NCKAP1L: variants seen among roughly 807,000 people sequenced by gnomAD.
NCKAP1L encodes NCK associated protein 1 like.
Under a neutral mutation model 139.2 loss-of-function variants are expected in NCKAP1L, and 53 were observed. The observed-to-expected ratio is 0.38, with a 90% CI of 0.31 to 0.48. The LOEUF is 0.48. NCKAP1L is among the 20% of genes least tolerant of loss of function. The probability of loss-of-function intolerance (pLI) is 0.98; values close to 1 mark genes in which losing one functional copy is unlikely to be tolerated. For synonymous variants in NCKAP1L, 468 were observed against 499.7 expected (o/e 0.94, Z 0.85); for missense variants, 1,151 against 1,381.9 (o/e 0.83, Z 2.65).
chr12:54,520,888 A>G, intron 17 of NCKAP1L, 62 bp downstream of exon 17: 3 of 1,606,090 alleles, frequency 1.9e-6, no homozygotes, highest in Non-Finnish European at 2.6e-6. Flanking sequence ...CACCCAAAAC[A>G]CAATTCCAAG....
In NCKAP1L at chr12:54,546,035, G is replaced by A. The variant is rs553777437; in HGVS notation, c.*3350G>A. The A allele has an allele frequency of 6.6e-6, 1 of 152,274 alleles. No homozygotes were observed. Among genetic ancestry groups the A allele is most frequent in the South Asian group, 2.1e-4 (1 of 4,812 alleles). 9.4% of individuals were successfully genotyped at this position (152,274 alleles called of 1,614,324 possible). On this transcript the variant is annotated 3_prime_UTR_variant, in exon 31 of 31. Transcript: ENST00000293373. ...ACTCAGGAGTTTGAGACCACTCTGG[G>A]CAACACAGTGAAACCCTGTCTCTCC...
chr12:54,537,015 A>G lies in NCKAP1L; in HGVS notation c.3145A>G (p.Asn1049Asp). ...QVSAALFTLY[N>D]KNIETHLKEF... ...GTCTGCTGCCCTCTTCACGCTCTAC[A>G]ACAAGAACATTGAAACTCACCTCAA... The change falls in exon 29 of 31, where the codon AAC (asparagine) becomes GAC (aspartate). Residue 1049 changes from asparagine (N) to aspartate (D), a missense_variant. Coordinates refer to ENST00000293373, the MANE Select transcript of NCKAP1L (RefSeq NM_005337.5). 1 of 1,613,580 alleles carries G rather than the reference A, an allele frequency of 6.2e-7. No individual in the cohort carries two copies. The highest frequency in any genetic ancestry group is 8.5e-7 in the Non-Finnish European group (1 of 1,179,600).
chr12:54,513,644 G>A (rs1297477173), intron 9 of NCKAP1L, among the ~76,000 whole-genome samples: 2 of 152,106 alleles, frequency 1.3e-5, no homozygotes, highest in African/African-American at 4.8e-5. Context: ...AATAAGAATT[G>A]AAAAAATGTT....
intron 22 of NCKAP1L, among the ~76,000 whole-genome samples, chr12:54,531,007 T>C (rs1322614438): frequency 6.6e-6 from 1 of 152,158 alleles, no homozygotes; most frequent in East Asian, 1.9e-4. Context: ...TAGATTCTTA[T>C]AGGAAAGTAA....
At chr12:54,499,959 G>A (rs960970553) in intron 2 of NCKAP1L, among the ~76,000 whole-genome samples, 9 of 151,844 alleles carry the variant, frequency 5.9e-5, no homozygotes, top group African/African-American at 2.2e-4. Context: ...CATCTGAAAG[G>A]GTGCTTAAAA....
Position 54,545,085 on chromosome 12 carries a change from A to G in NCKAP1L, c.*2400A>G, listed in dbSNP as rs1957188282. On this transcript the variant is annotated 3_prime_UTR_variant, in exon 31 of 31. Transcript: ENST00000293373. ...CATTGCTCTTTTATAGCAATTTTATAGCAATTTTCTCCTCCCACAACCCCC... is the reference window on the plus strand; with the variant it reads ...CATTGCTCTTTTATAGCAATTTTATGGCAATTTTCTCCTCCCACAACCCCC... The G allele has an allele frequency of 6.6e-6, 1 of 152,336 alleles. No homozygotes were observed. The highest frequency in any genetic ancestry group is 3.4e-3 in the Middle Eastern group (1 of 294). The allele number at this position is 152,336 out of a possible 1,614,324, so 9.4% of individuals were successfully genotyped here.
In NCKAP1L at chr12:54,528,349, C is replaced by G; in HGVS notation, c.2478C>G (p.Phe826Leu). 1 of 1,614,016 alleles carries G rather than the reference C, an allele frequency of 6.2e-7. No individual in the cohort carries two copies. Among genetic ancestry groups the G allele is most frequent in the Non-Finnish European group, 8.5e-7 (1 of 1,179,978 alleles). The change falls in exon 22 of 31, where the codon TTC becomes TTG. Residue 826 changes from phenylalanine (F) to leucine (L), a missense_variant. Transcript: ENST00000293373. The part of the protein sequence containing the change: ...VSLPREGEQN[F>L]SAEEFSDISE... ...TGCCCAGAGAAGGGGAGCAGAACTT[C>G]AGTGCAGAGGAGTTCTCTGACATCT... is the stretch of plus-strand genomic sequence containing the variant.
intron 25 of NCKAP1L, 86 bp from the exon 26 acceptor site, chr12:54,532,084 C>A: frequency 1.0e-6 from 1 of 996,842 alleles, no homozygotes; most frequent in Non-Finnish European, 1.5e-6. Flanking sequence ...TTGAGTGCCC[C>A]TCCTTTTTTT....
chr12:54,516,228 T>C lies in NCKAP1L; in HGVS notation c.942-11T>C. On this transcript the variant is annotated splice_polypyrimidine_tract_variant and intron_variant, in intron 9 of 30. Transcript: ENST00000293373. The stretch of plus-strand genomic sequence containing the variant: ...CATGGTCAACCCCATTGTGCTTGTG[T>C]CAATCCTCAGGTATGGCAAGAGAGT... The C allele has an allele frequency of 6.2e-7, 1 of 1,613,846 alleles. No individual in the cohort carries two copies. The highest frequency in any genetic ancestry group is 8.5e-7 in the Non-Finnish European group (1 of 1,179,876).
chr12:54,512,848 G>A (rs914229813), intron 9 of NCKAP1L, among the ~76,000 whole-genome samples: 1 of 151,894 alleles, frequency 6.6e-6, no homozygotes, highest in African/African-American at 2.4e-5. Context: ...GAAAGGTAGG[G>A]GAGTTGCTTG....
At chr12:54,525,683 C>G (rs569019542) in intron 20 of NCKAP1L, among the ~76,000 whole-genome samples, 3 of 152,164 alleles carry the variant, frequency 2.0e-5, no homozygotes, top group African/African-American at 7.2e-5. Context: ...TTAAGTGGTA[C>G]TTGAGAACCT....
chr12:54,515,746 T>G (rs999769421), intron 9 of NCKAP1L, among the ~76,000 whole-genome samples: 3 of 152,138 alleles, frequency 2.0e-5, no homozygotes, highest in African/African-American at 7.2e-5. Flanking sequence ...GAAGGAGAGA[T>G]TAAAGTATTA....
At chr12:54,502,734 C>T (rs1423072258) in intron 3 of NCKAP1L, among the ~76,000 whole-genome samples, 2 of 146,912 alleles carry the variant, frequency 1.4e-5, no homozygotes, top group Non-Finnish European at 3.0e-5. Flanking sequence ...CGCCTGTAAT[C>T]CCAACACTTT....
chr12:54,538,808 T>C lies in NCKAP1L; in HGVS notation c.3184-76T>C, dbSNP rs1473382866. The C allele has an allele frequency of 4.4e-6, 5 of 1,123,886 alleles. No homozygotes were observed. The African/African-American group carries it at 4.6e-5, about 10-fold the overall frequency. 69.6% of individuals were successfully genotyped at this position (1,123,886 alleles called of 1,614,324 possible). A position where few individuals can be genotyped will look rare whatever the true frequency, so the allele number is the denominator to read the frequency against. ...CTTCTTAACTCTCTCCTTGATCTTT[T>C]CTTAACTTCCTGCAGCCTGAGGCCA... is the stretch of plus-strand genomic sequence containing the variant. On this transcript the variant is annotated intron_variant, in intron 29 of 30. Transcript: ENST00000293373.
chr12:54,527,322 G>T (rs1374489364), intron 21 of NCKAP1L, among the ~76,000 whole-genome samples: 1 of 152,204 alleles, frequency 6.6e-6, no homozygotes, highest in Non-Finnish European at 1.5e-5. Flanking sequence ...AATCAGCTCA[G>T]TAGGCGACAG....
intron 18 of NCKAP1L, 71 bp from the exon 19 acceptor site, chr12:54,523,322 CT>C: frequency 6.6e-7 from 1 of 1,523,706 alleles, no homozygotes; most frequent in East Asian, 2.3e-5. Context: ...GGACAACAAC[CT>C]TTTTATAACT....
intron 21 of NCKAP1L, 71 bp downstream of exon 21, chr12:54,526,817 C>CA: frequency 7.5e-7 from 1 of 1,339,878 alleles, no homozygotes; most frequent in Non-Finnish European, 1.0e-6. Flanking sequence ...GGTAGGACCT[C>CA]AGGGCCCGAG....
Position 54,542,779 on chromosome 12 carries a change from G to T in NCKAP1L, c.*94G>T. 1 of 704,130 alleles carries T rather than the reference G, an allele frequency of 1.4e-6. No individual in the cohort carries two copies. The highest frequency in any genetic ancestry group is 2.5e-6 in the Non-Finnish European group (1 of 400,658). The allele number at this position is 704,130 out of a possible 1,614,324, so 43.6% of individuals were successfully genotyped here. ...TCACTTTCGCAGGGGGTGGGAATGG[G>T]GTGGGGTCACTAAGGAGAGAGGGTC... On this transcript the variant is annotated 3_prime_UTR_variant, in exon 31 of 31. Coordinates refer to ENST00000293373, the MANE Select transcript of NCKAP1L (RefSeq NM_005337.5).
chr12:54,515,849 G>A (rs1392333203), intron 9 of NCKAP1L, among the ~76,000 whole-genome samples: 4 of 152,268 alleles, frequency 2.6e-5, no homozygotes, highest in South Asian at 4.2e-4. Flanking sequence ...TTGAGAGCAG[G>A]GCCTGTGTTG....
Sources: allele counts gnomAD v4.1 joint callset (sites outside exome capture counted in the v4.1 genomes callset), GRCh38; gene constraint gnomAD v4.1.1; transcripts MANE v1.5; gene names NCBI Gene and HGNC (gene_info 2026-07-23, HGNC 2026-07-21).